Variants in ENC1 observed in about 807,000 individuals in gnomAD.
The protein encoded by ENC1 is ectoderm-neural cortex protein 1.
A neutral mutation model predicts 40.9 loss-of-function variants in ENC1; 19 were observed. The observed-to-expected ratio is 0.46, with a 90% confidence interval of 0.32 to 0.68. The LOEUF is 0.68. Ranked by LOEUF, ENC1 falls within the 30% of genes least tolerant of loss-of-function variation. ENC1 has a pLI of 0.03. For synonymous variants in ENC1, 285 were observed against 291.1 expected (o/e 0.98, Z 0.21); for missense variants, 479 against 737.5 (o/e 0.65, Z 4.06).
At chr5:74,639,241 A>G (rs1414439383) in intron 1 of ENC1, among the ~76,000 whole-genome samples, 2 of 152,268 alleles carry the variant, frequency 1.3e-5, no homozygotes, top group Middle Eastern at 3.2e-3. Context: ...TCAAAATATC[A>G]GCAGAAACCA....
intron 1 of ENC1, among the ~76,000 whole-genome samples, chr5:74,638,677 T>G (rs1747702754): frequency 6.6e-6 from 1 of 152,248 alleles, no homozygotes; most frequent in Admixed American, 6.5e-5. Context: ...GCATTCTCAA[T>G]GCTCCACCAC....
Position 74,628,059 on chromosome 5 carries a change from T to A in ENC1, c.*1966A>T, listed in dbSNP as rs1747261994. The A allele has an allele frequency of 6.6e-6, 1 of 152,574 alleles. No homozygotes were observed. The highest frequency in any genetic ancestry group is 6.5e-5 in the Admixed American group (1 of 15,290). The allele number at this position is 152,574 out of a possible 1,614,324, so 9.5% of individuals were successfully genotyped here. On this transcript the variant is annotated 3_prime_UTR_variant, in exon 3 of 3. Transcript: ENST00000302351. ...ATTTGCATCATAAACTACAGAGCTG[T>A]AACTGCTACAATATAAACGACACTG... is the stretch of plus-strand genomic sequence containing the variant.
chr5:74,637,672 C>G (rs1747651268), intron 1 of ENC1: 1 of 152,142 alleles, frequency 6.6e-6, no homozygotes, highest in African/African-American at 2.4e-5. Context: ...ATCACTAGGA[C>G]TGTTCCTGTA....
intron 2 of ENC1, among the ~76,000 whole-genome samples, chr5:74,631,373 A>G (rs1054870383): frequency 6.6e-6 from 1 of 152,196 alleles, no homozygotes; most frequent in Non-Finnish European, 1.5e-5. Context: ...AGACCTAGGG[A>G]AACTTTCTGT....
intron 1 of ENC1, among the ~76,000 whole-genome samples, chr5:74,639,409 G>A (rs1747742114): frequency 6.6e-6 from 1 of 152,226 alleles, no homozygotes; most frequent in Non-Finnish European, 1.5e-5. Context: ...AGAAAGGGCT[G>A]CTATTACTGT....
In ENC1 at chr5:74,629,004, G is replaced by C. The variant is rs543928996; in HGVS notation, c.*1021C>G. ...TAAGTAAATCAGATGGGAGTGGGGA[G>C]AAGGGCAGAAAGCAGCCTCCCCTTA... is the stretch of plus-strand genomic sequence containing the variant. On this transcript the variant is annotated 3_prime_UTR_variant, in exon 3 of 3. Coordinates refer to ENST00000302351, the MANE Select transcript of ENC1 (RefSeq NM_003633.4). The C allele has an allele frequency of 4.5e-4, 69 of 152,258 alleles. No individual in the cohort carries two copies. The highest frequency in any genetic ancestry group is 1.7e-3 in the African/African-American group (69 of 41,536). The allele number at this position is 152,258 out of a possible 1,614,324, so 9.4% of individuals were successfully genotyped here. A position where few individuals can be genotyped will look rare whatever the true frequency, so the allele number is the denominator to read the frequency against.
rs1405332853 is a variant in ENC1, at chr5:74,628,478, CT to C, written c.*1546del. 1.3e-5 allele frequency: 2 copies of C among 152,632 alleles called. No homozygotes were observed. Among genetic ancestry groups the C allele is most frequent in the Admixed American group, 6.5e-5 (1 of 15,290 alleles). 9.5% of individuals were successfully genotyped at this position (152,632 alleles called of 1,614,324 possible). ...GCACTAATACCTACGACGGCACATG[CT>C]TAGTAAACAAGCACTCCAACTAGCA... is the stretch of plus-strand genomic sequence containing the variant. On this transcript the variant is annotated 3_prime_UTR_variant, in exon 3 of 3. Transcript: ENST00000302351.
At chr5:74,633,347 T>C (rs115435051) in intron 2 of ENC1, among the ~76,000 whole-genome samples, 38 of 152,310 alleles carry the variant, frequency 2.5e-4, no homozygotes, top group African/African-American at 8.7e-4. Flanking sequence ...CTCAGATATA[T>C]GACTCAGAAA....
Position 74,635,160 on chromosome 5 carries a change from G to T in ENC1, c.1326C>A (p.Ala442=). The T allele has an allele frequency of 1.2e-6, 2 of 1,614,210 alleles. No homozygotes were observed. The highest frequency in any genetic ancestry group is 1.1e-5 in the South Asian group (1 of 91,080). The change falls in exon 2 of 3, where the codon GCC becomes GCA. Residue 442 remains alanine (A), a synonymous_variant. Transcript: ENST00000302351. This position sits in a 1 kb window ranked among gnomAD's most constrained non-coding sequence, Gnocchi z 5.5. ...EGVSNAAVVS[A]KLKLFAFGGT... is the part of the protein sequence containing the mutation. ...CTCCGAAAGCAAATAACTTAAGTTT[G>T]GCACTCACTACTGCGGCGTTGCTAA...
intron 2 of ENC1, among the ~76,000 whole-genome samples, chr5:74,630,574 A>G (rs1467143757): frequency 6.6e-6 from 1 of 152,200 alleles, no homozygotes; most frequent in East Asian, 1.9e-4. Context: ...TTCACATGAC[A>G]ATGTATCAGG....
rs180757516 is a variant in ENC1 at position 74,631,131 on chromosome 5, C to A, written c.*33-1139G>T. On this transcript the variant is annotated intron_variant, in intron 2 of 2. Transcript: ENST00000302351. ...AAAAAGGAATACACACACCCTCCCC[C>A]CAAAAAATTGCATATTCAAACAGGA... is the stretch of plus-strand genomic sequence containing the variant. 6.7e-4 allele frequency among the ~76,000 whole-genome samples: 102 copies of A among 151,576 alleles called. 2 individuals are homozygous for A. The highest frequency in any genetic ancestry group is 2.3e-3 in the African/African-American group (95 of 41,178).
intron 2 of ENC1, among the ~76,000 whole-genome samples, chr5:74,633,769 G>C (rs73762916): frequency 0.038 from 5,760 of 152,090 alleles, 365 homozygotes; most frequent in African/African-American, 0.13. Context: ...CCTAGAGCCA[G>C]ACCCCCTGCA....
intron 2 of ENC1, 53 bp downstream of exon 2, chr5:74,634,631 T>C (rs1747507127): frequency 2.3e-6 from 2 of 856,790 alleles, no homozygotes; most frequent in East Asian, 5.3e-5. Context: ...TGTACTGAAC[T>C]TACACAATAG....
At chr5:74,631,442 T>C (rs1747389755) in intron 2 of ENC1, among the ~76,000 whole-genome samples, 1 of 152,208 alleles carries the variant, frequency 6.6e-6, no homozygotes, top group African/African-American at 2.4e-5. Flanking sequence ...ATTTGCAGTT[T>C]GGGACTGAGA....
At chr5:74,638,259 G>T (rs1747681402) in intron 1 of ENC1, among the ~76,000 whole-genome samples, 1 of 152,074 alleles carries the variant, frequency 6.6e-6, no homozygotes, top group African/African-American at 2.4e-5. Context: ...CAGATTCATG[G>T]GCTAAAATAC....
At chr5:74,639,377 C>A (rs1379913830) in intron 1 of ENC1, among the ~76,000 whole-genome samples, 1 of 152,218 alleles carries the variant, frequency 6.6e-6, no homozygotes. Context: ...ATGTACTTAA[C>A]CTACGTCTGC....
At position 74,640,673 on chromosome 5, in the gene ENC1, G is replaced by A. The variant is rs1747833780; in HGVS notation, c.-380C>T. 6.6e-6 allele frequency: 1 copy of A among 152,488 alleles called. No individual in the cohort carries two copies. Among genetic ancestry groups the A allele is most frequent in the Non-Finnish European group, 1.5e-5 (1 of 68,306 alleles). 9.4% of individuals were successfully genotyped at this position (152,488 alleles called of 1,614,324 possible). On this transcript the variant is annotated 5_prime_UTR_variant, in exon 1 of 3. Coordinates refer to ENST00000302351, the MANE Select transcript of ENC1 (RefSeq NM_003633.4). ...CGGCGGCCGCCAGGCGTCTGGACCG[G>A]GTCTCCGCAGCGCCACCGCCGCACC... is the stretch of plus-strand genomic sequence containing the variant.
Position 74,635,904 on chromosome 5 carries a change from C to T in ENC1, c.582G>A (p.Val194=). ...CCAGCTCTTCACTGGACAAGAGTTGCACTACCATGTCCTGGGGCAGCTGGA... is the reference window on the plus strand; with the variant it reads ...CCAGCTCTTCACTGGACAAGAGTTGTACTACCATGTCCTGGGGCAGCTGGA... ...DFLQLPQDMV[V]QLLSSEELET... is the part of the protein sequence containing the mutation. The change falls in exon 2 of 3, where the codon GTG becomes GTA. Residue 194 remains valine (V), a synonymous_variant. Coordinates refer to ENST00000302351, the MANE Select transcript of ENC1 (RefSeq NM_003633.4). The surrounding 1 kb of genome is among the most constrained non-coding windows in gnomAD (Gnocchi z 5.5). The T allele has an allele frequency of 6.2e-7, 1 of 1,613,904 alleles. No individual in the cohort carries two copies. Among genetic ancestry groups the T allele is most frequent in the Non-Finnish European group, 8.5e-7 (1 of 1,179,910 alleles).
At position 74,635,704 on chromosome 5, in the gene ENC1, T is replaced by C. The variant is rs1416978147; in HGVS notation, c.782A>G (p.Lys261Arg). ...AMEELITKQRKSKEIVEEAIR... is the reference protein window; with the variant it reads ...AMEELITKQRRSKEIVEEAIR... ...GGCCTCTTCCACAATTTCCTTACTC[T>C]TTCTCTGCTTGGTGATGAGTTCCTC... Residue 261 changes from lysine (K) to arginine (R), a missense_variant, in exon 2 of 3, where the codon AAG (lysine) becomes AGG (arginine). By Grantham distance (26) the Lys-to-Arg change is conservative. Transcript: ENST00000302351. The surrounding 1 kb of genome is among the most constrained non-coding windows in gnomAD (Gnocchi z 5.5). 1.9e-6 allele frequency: 3 copies of C among 1,614,062 alleles called. No homozygotes were observed. Among genetic ancestry groups the C allele is most frequent in the Non-Finnish European group, 2.5e-6 (3 of 1,180,036 alleles).
Sources: gnomAD v4.1 joint callset for allele counts (sites outside exome capture counted in the v4.1 genomes callset) on GRCh38, gnomAD v4.1.1 for gene constraint, Gnocchi (gnomAD v3.1) non-coding constraint, MANE v1.5 for transcripts, NCBI Gene and HGNC (gene_info 2026-07-23, HGNC 2026-07-21) for gene names.